LRP1B: variants seen among roughly 807,000 people sequenced by gnomAD.
The protein encoded by LRP1B is LDL receptor related protein 1B.
A neutral mutation model predicts 556.6 loss-of-function variants in LRP1B; 217 were observed. The observed-to-expected ratio is 0.39, with a 90% confidence interval of 0.35 to 0.44. The LOEUF is 0.44. Ranked by LOEUF, LRP1B falls within the 20% of genes least tolerant of loss-of-function variation. The pLI is 1.00. For synonymous variants in LRP1B, 2,047 were observed against 1,865.8 expected, an observed-to-expected ratio of 1.10 and a Z score of -2.50; for missense variants, 5,053 against 5,620.8, an observed-to-expected ratio of 0.90 and a Z score of 3.23.
chr2:141,498,551 A>G (rs909553143), intron 2 of LRP1B, among the ~76,000 whole-genome samples: 2 of 151,958 alleles, frequency 1.3e-5, no homozygotes, highest in African/African-American at 4.8e-5. Flanking sequence ...TATAATGTTC[A>G]CGATCTATTA....
chr2:141,041,599 A>G (rs1229981322), intron 11 of LRP1B, among the ~76,000 whole-genome samples: 1 of 152,082 alleles, frequency 6.6e-6, no homozygotes, highest in Non-Finnish European at 1.5e-5. Flanking sequence ...ATAATTTCCT[A>G]TCTCAAGATC....
chr2:140,412,151 AG>A (rs1046844062), intron 66 of LRP1B, among the ~76,000 whole-genome samples: 13 of 152,130 alleles, frequency 8.5e-5, no homozygotes, highest in Non-Finnish European at 4.4e-5. Context: ...TACTCTACAA[AG>A]GTTCATACTG....
rs1277312116 is a variant in LRP1B, at chr2:141,015,930, A to T, written c.1971-15T>A. 2 of 1,593,324 alleles carry T rather than the reference A, an allele frequency of 1.3e-6. No homozygotes were observed. The highest frequency in any genetic ancestry group is 2.2e-5 in the East Asian group (1 of 44,614). The stretch of plus-strand genomic sequence containing the variant: ...AATACATCCAACTAAGACATTAAAA[A>T]AACAACAAAAATGCATACATGTTAT... On this transcript the variant is annotated splice_polypyrimidine_tract_variant and intron_variant, in intron 12 of 90. Coordinates refer to ENST00000389484, the MANE Select transcript of LRP1B (RefSeq NM_018557.3).
intron 11 of LRP1B, among the ~76,000 whole-genome samples, chr2:141,026,053 AC>A (rs1284059623): frequency 6.6e-6 from 1 of 152,034 alleles, no homozygotes; most frequent in East Asian, 1.9e-4. Context: ...ACACCATTTT[AC>A]TACCTAACTC....
intron 7 of LRP1B, among the ~76,000 whole-genome samples, chr2:141,065,270 A>G (rs1699448698): frequency 6.6e-6 from 1 of 151,906 alleles, no homozygotes; most frequent in Admixed American, 6.6e-5. Flanking sequence ...ACACTTCAGC[A>G]TCCATCTCTT....
At chr2:141,544,323 T>TTCTTCTTTTCTTCTTCTTCTTCTTCTTCC (rs1685416385) in intron 2 of LRP1B, among the ~76,000 whole-genome samples, 1 of 50,156 alleles carries the variant, frequency 2.0e-5, no homozygotes, top group Admixed American at 2.4e-4. Context: ...CTTCTTCTTC[T>TTCTTCTTTTCTTCTTCTTCTTCTTCTTCC]TCTTCTTCTT....
chr2:141,410,009 A>G (rs1356618958), intron 3 of LRP1B, among the ~76,000 whole-genome samples: 1 of 152,102 alleles, frequency 6.6e-6, no homozygotes, highest in Non-Finnish European at 1.5e-5. Flanking sequence ...TAGATGGACT[A>G]GAGAAAATGT....
intron 11 of LRP1B, among the ~76,000 whole-genome samples, chr2:141,043,466 A>G (rs1030085961): frequency 3.3e-5 from 5 of 151,822 alleles, no homozygotes; most frequent in African/African-American, 1.2e-4. Context: ...AAAGTTTGGT[A>G]AAGAAAGCCT....
intron 29 of LRP1B, among the ~76,000 whole-genome samples, chr2:140,841,389 A>T (rs1692100752): frequency 6.6e-6 from 1 of 152,184 alleles, no homozygotes; most frequent in African/African-American, 2.4e-5. Context: ...CAGTCTTATG[A>T]GCCAAGGTAA....
chr2:141,004,392 A>T (rs1371591729), intron 15 of LRP1B, among the ~76,000 whole-genome samples: 1 of 152,040 alleles, frequency 6.6e-6, no homozygotes, highest in African/African-American at 2.4e-5. Flanking sequence ...CAGGCAAAAT[A>T]AACGTCAACT....
chr2:141,870,026 A>G (rs1385301261), intron 1 of LRP1B, among the ~76,000 whole-genome samples: 2 of 152,026 alleles, frequency 1.3e-5, no homozygotes, highest in African/African-American at 4.8e-5. Flanking sequence ...ATCAAATTCA[A>G]ATGTTTAGAA....
chr2:141,498,370 T>C (rs13001469), intron 2 of LRP1B, among the ~76,000 whole-genome samples: 2 of 146,738 alleles, frequency 1.4e-5, no homozygotes, highest in Non-Finnish European at 1.5e-5. Context: ...TTTTTTTTTT[T>C]CTTTTTTGGC....
At chr2:140,660,033 GCTTA>G (rs2105337930) in intron 41 of LRP1B, among the ~76,000 whole-genome samples, 1 of 151,948 alleles carries the variant, frequency 6.6e-6, no homozygotes, top group African/African-American at 2.4e-5. Context: ...TTAAATTAAT[GCTTA>G]CTTTTATCAA....
chr2:142,053,969 C>T (rs750293757), intron 1 of LRP1B, among the ~76,000 whole-genome samples: 7 of 152,066 alleles, frequency 4.6e-5, no homozygotes, highest in Admixed American at 3.9e-4. Flanking sequence ...CCCAAGGAAA[C>T]AATATTTGAG....
At chr2:140,741,833 T>C (rs1333154524) in intron 35 of LRP1B, among the ~76,000 whole-genome samples, 1 of 152,166 alleles carries the variant, frequency 6.6e-6, no homozygotes, top group Non-Finnish European at 1.5e-5. Context: ...AATGCTTAGC[T>C]CCCAAATGTA....
At chr2:142,060,511 A>C (rs1257122827) in intron 1 of LRP1B, among the ~76,000 whole-genome samples, 2 of 152,004 alleles carry the variant, frequency 1.3e-5, no homozygotes, top group Non-Finnish European at 2.9e-5. Flanking sequence ...TATGTCAAAG[A>C]TGTTTAAGAC....
chr2:140,933,021 A>G (rs536156078), intron 20 of LRP1B, among the ~76,000 whole-genome samples: 2 of 152,052 alleles, frequency 1.3e-5, no homozygotes, highest in South Asian at 2.1e-4. Context: ...TGCACAGAAT[A>G]TTGTATTAAT....
chr2:142,067,203 T>A (rs1045956326), intron 1 of LRP1B, among the ~76,000 whole-genome samples: 1 of 151,458 alleles, frequency 6.6e-6, no homozygotes, highest in Non-Finnish European at 1.5e-5. Context: ...AGGATAAGTC[T>A]CTCTATCTCA....
At chr2:141,905,763 AGATGTG>A (rs1372835432) in intron 1 of LRP1B, among the ~76,000 whole-genome samples, 25 of 115,188 alleles carry the variant, frequency 2.2e-4, no homozygotes, top group East Asian at 1.7e-3. Context: ...TGGTTTGAAT[AGATGTG>A]TGTGTGTGTG....
Sources: allele counts gnomAD v4.1 joint callset (sites outside exome capture counted in the v4.1 genomes callset), GRCh38; gene constraint gnomAD v4.1.1; transcripts MANE v1.5; gene names NCBI Gene and HGNC (gene_info 2026-07-23, HGNC 2026-07-21).